Variants in WDFY4 observed in about 807,000 individuals in gnomAD.
The protein encoded by WDFY4 is WDFY family member 4.
A neutral mutation model predicts 351.9 loss-of-function variants in WDFY4; 169 were observed. The observed-to-expected ratio is 0.48, with a 90% confidence interval of 0.42 to 0.55. The LOEUF is 0.55. WDFY4 is among the 20% of genes least tolerant of loss of function. WDFY4 has a pLI of 0.00. For synonymous variants in WDFY4, 1,622 were observed against 1,574.6 expected, an observed-to-expected ratio of 1.03 and a Z score of -0.71; for missense variants, 3,803 against 3,935.6, an observed-to-expected ratio of 0.97 and a Z score of 0.90.
At chr10:48,832,529 T>C in intron 38 of WDFY4, 44 bp from the exon 39 acceptor site, 1 of 1,490,166 alleles carries the variant, frequency 6.7e-7, no homozygotes, top group Non-Finnish European at 9.0e-7. Context: ...AAATAGTGTG[T>C]GCTCTCACTT....
intron 47 of WDFY4, among the ~76,000 whole-genome samples, chr10:48,912,853 C>A (rs1256029970): frequency 6.6e-6 from 1 of 152,232 alleles, no homozygotes; most frequent in Non-Finnish European, 1.5e-5. Flanking sequence ...AAGAAGCTAT[C>A]TGCCTATTGA....
intron 39 of WDFY4, among the ~76,000 whole-genome samples, chr10:48,866,969 A>G (rs1288344590): frequency 9.9e-5 from 15 of 152,066 alleles, no homozygotes; most frequent in African/African-American, 3.1e-4. Context: ...TCAGAAGTTC[A>G]AGACCAGCCT....
At chr10:48,806,147 CCT>C (rs1565220138) in intron 27 of WDFY4, 52 bp downstream of exon 27, 1 of 1,510,122 alleles carries the variant, frequency 6.6e-7, no homozygotes, top group Non-Finnish European at 9.0e-7. Flanking sequence ...TCACGGAACC[CCT>C]GAGAGGCCCA....
At position 48,731,318 on chromosome 10, in the gene WDFY4, A is replaced by G; in HGVS notation, c.1338A>G (p.Glu446=). 1 of 1,551,812 alleles carries G rather than the reference A, an allele frequency of 6.4e-7. No homozygotes were observed. Among genetic ancestry groups the G allele is most frequent in the Admixed American group, 2.0e-5 (1 of 51,004 alleles). ...IMPLKPAPVQ[E]HFFQLLEALV... is the part of the protein sequence containing the mutation. ...CCCTGAAGCCGGCCCCAGTGCAGGA[A>G]CACTTCTTCCAGCTTCTAGAGGCCC... Residue 446 remains glutamate, a synonymous_variant, in exon 9 of 62, where the codon GAA becomes GAG. Transcript: ENST00000325239.
At chr10:48,743,668 T>C (rs1489499873) in intron 12 of WDFY4, 120 bp downstream of exon 12, 6 of 1,181,716 alleles carry the variant, frequency 5.1e-6, no homozygotes, top group South Asian at 4.8e-5. Context: ...AGAAATGTCA[T>C]GTGACCTCAA....
At chr10:48,877,008 C>T (rs1241086530) in intron 42 of WDFY4, 25 bp from the exon 43 acceptor site, 1 of 1,451,204 alleles carries the variant, frequency 6.9e-7, no homozygotes, top group African/African-American at 1.4e-5. Context: ...CTGTCAACAC[C>T]ACGTGTCCCT....
At chr10:48,915,771 TG>T (rs1838468084) in intron 47 of WDFY4, among the ~76,000 whole-genome samples, 1 of 152,192 alleles carries the variant, frequency 6.6e-6, no homozygotes, top group Non-Finnish European at 1.5e-5. Context: ...GGATAGATGG[TG>T]GTCTCCACAG....
At chr10:48,982,332 C>T (rs1034583956) in intron 61 of WDFY4, among the ~76,000 whole-genome samples, 177 bp from the exon 62 acceptor site, 1 of 152,060 alleles carries the variant, frequency 6.6e-6, no homozygotes, top group East Asian at 1.9e-4. Flanking sequence ...TTTCCCCTCC[C>T]CCAGGTGGAA....
intron 39 of WDFY4, among the ~76,000 whole-genome samples, chr10:48,852,150 C>G (rs1417743680): frequency 6.6e-6 from 1 of 152,196 alleles, no homozygotes; most frequent in Non-Finnish European, 1.5e-5. Flanking sequence ...CCTCCTGTCT[C>G]CACATCCCTG....
chr10:48,982,454 G>A (rs1014897083), intron 61 of WDFY4, 55 bp from the exon 62 acceptor site: 10 of 1,398,082 alleles, frequency 7.2e-6, no homozygotes, highest in South Asian at 2.9e-5. Flanking sequence ...ATGTGCTGGC[G>A]GGGACAAGTG....
intron 1 of WDFY4, among the ~76,000 whole-genome samples, chr10:48,694,180 C>A (rs763632540): frequency 6.6e-6 from 1 of 152,106 alleles, no homozygotes; most frequent in Non-Finnish European, 1.5e-5. Context: ...CTGCAAAGTT[C>A]CCCTGTCATT....
chr10:48,790,962 G>T, intron 23 of WDFY4, 45 bp downstream of exon 23: 1 of 1,544,682 alleles, frequency 6.5e-7, no homozygotes, highest in Non-Finnish European at 8.8e-7. Flanking sequence ...TGAAAGGGCT[G>T]TCATCCCTGG....
chr10:48,970,057 A>C (rs1043139227), intron 56 of WDFY4, 74 bp from the exon 57 acceptor site: 60 of 1,490,624 alleles, frequency 4.0e-5, no homozygotes, highest in Non-Finnish European at 5.2e-5. Context: ...TGGCCCACAT[A>C]CCCCCGTGAC....
In WDFY4 at chr10:48,970,264, G is replaced by T. The variant is rs569381817; in HGVS notation, c.8903G>T (p.Arg2968Leu). 1.3e-6 allele frequency: 2 copies of T among 1,551,300 alleles called. No homozygotes were observed. Among genetic ancestry groups the T allele is most frequent in the Non-Finnish European group, 1.7e-6 (2 of 1,146,996 alleles). Reference sequence around the variant, plus strand: ...TGGGAGCTCAGCATGACCAAAGGCCGCCCGAGGGGCTTGCGCCTCCGGCAG... The same window carrying T: ...TGGGAGCTCAGCATGACCAAAGGCCTCCCGAGGGGCTTGCGCCTCCGGCAG... ...CVWELSMTKG[R>L]PRGLRLRQAL... The change falls in exon 57 of 62, where the codon CGC becomes CTC. Residue 2968 changes from arginine (R) to leucine (L), a missense_variant. By Grantham distance (102) the Arg-to-Leu change is moderately radical. Transcript: ENST00000325239.
At chr10:48,800,682 CTT>C (rs2067041242) in intron 24 of WDFY4, among the ~76,000 whole-genome samples, 1 of 124,878 alleles carries the variant, frequency 8.0e-6, no homozygotes, top group South Asian at 2.7e-4. Flanking sequence ...TTCTTTCTTT[CTT>C]TCTTTCTTTC....
chr10:48,923,219 T>G (rs1839253421), intron 47 of WDFY4, among the ~76,000 whole-genome samples: 1 of 152,046 alleles, frequency 6.6e-6, no homozygotes, highest in Non-Finnish European at 1.5e-5. Flanking sequence ...TGGGCACCAC[T>G]GTGGTCCAAT....
Position 48,729,593 on chromosome 10 carries a change from A to G in WDFY4, c.1129+4A>G. 1.3e-6 allele frequency: 2 copies of G among 1,551,572 alleles called. No homozygotes were observed. The highest frequency in any genetic ancestry group is 1.7e-6 in the Non-Finnish European group (2 of 1,146,940). ...AAGTTCCATCATGAGGCATCTGGTG[A>G]GTCTTTCCTGTGTCTGGGTGACCGG... On this transcript the variant is annotated splice_donor_region_variant and intron_variant, in intron 8 of 61. Transcript: ENST00000325239.
chr10:48,775,864 C>T, intron 15 of WDFY4, 58 bp downstream of exon 15: 1 of 1,430,306 alleles, frequency 7.0e-7, no homozygotes, highest in South Asian at 1.2e-5. Context: ...GATAGGCATT[C>T]CTGCTGAGGG....
chr10:48,847,465 T>A (rs919843795), intron 39 of WDFY4, among the ~76,000 whole-genome samples: 4 of 152,208 alleles, frequency 2.6e-5, no homozygotes, highest in Non-Finnish European at 5.9e-5. Flanking sequence ...CTGAAACTCC[T>A]CTGACCCCAG....
Sources: allele counts gnomAD v4.1 joint callset (sites outside exome capture counted in the v4.1 genomes callset), GRCh38; gene constraint gnomAD v4.1.1; transcripts MANE v1.5; gene names NCBI Gene and HGNC (gene_info 2026-07-23, HGNC 2026-07-21).